The following SCN8A variants were observed in gnomAD, a reference collection of about 807,000 sequenced individuals.
The protein encoded by SCN8A is sodium channel protein type 8 subunit alpha.
Under a neutral mutation model 184.1 loss-of-function variants are expected in SCN8A, and 30 were observed. The observed-to-expected ratio is 0.16, with a 90% CI of 0.12 to 0.22. SCN8A has a LOEUF of 0.22. Ranked by LOEUF, SCN8A falls within the 10% of genes least tolerant of loss-of-function variation. The pLI is 1.00. For synonymous variants in SCN8A, 852 were observed against 907.0 expected, an observed-to-expected ratio of 0.94 and a Z score of 1.09; for missense variants, 1,057 against 2,498.9, an observed-to-expected ratio of 0.42 and a Z score of 12.30.
intron 14 of SCN8A, among the ~76,000 whole-genome samples, chr12:51,758,717 C>T (rs183179180): frequency 1.3e-5 from 2 of 152,138 alleles, no homozygotes; most frequent in Non-Finnish European, 2.9e-5. Context: ...GGATTATAGG[C>T]GTGAGCCACC....
intron 5 of SCN8A, among the ~76,000 whole-genome samples, chr12:51,688,161 G>A (rs1416140105): frequency 6.6e-6 from 1 of 152,166 alleles, no homozygotes; most frequent in Non-Finnish European, 1.5e-5. Context: ...TAGGCACAGA[G>A]CTTGTAATTA....
intron 2 of SCN8A, among the ~76,000 whole-genome samples, chr12:51,682,352 GTTCTC>G (rs1384510997): frequency 6.6e-6 from 1 of 152,138 alleles, no homozygotes; most frequent in Non-Finnish European, 1.5e-5. Flanking sequence ...GTTTAGAAAT[GTTCTC>G]TTCTATTTTG....
chr12:51,612,989 T>C (rs1411220253), intron 1 of SCN8A, among the ~76,000 whole-genome samples: 2 of 152,188 alleles, frequency 1.3e-5, no homozygotes, highest in Non-Finnish European at 2.9e-5. Flanking sequence ...CCCAAAGTGC[T>C]GAAATTATAG....
chr12:51,627,624 C>T lies in SCN8A; in HGVS notation c.-54-35140C>T, dbSNP rs186791125. ...CTCGATCTCCTGACCTCGTGATTCC[C>T]CCAGCCTCGGCTTCCCAAATTGCTG... On this transcript the variant is annotated intron_variant, in intron 1 of 26. Transcript: ENST00000627620. 4.6e-5 allele frequency among the ~76,000 whole-genome samples: 7 copies of T among 152,256 alleles called. No homozygotes were observed. The East Asian group carries it at 1.2e-3, about 25-fold the overall frequency.
chr12:51,762,774 A>G (rs910399987), intron 15 of SCN8A, 98 bp downstream of exon 15: 19 of 1,142,294 alleles, frequency 1.7e-5, no homozygotes, highest in African/African-American at 1.3e-4. Context: ...AAAATATATT[A>G]GCTGTATTTT....
At chr12:51,594,386 A>AT (rs1939298749) in intron 1 of SCN8A, among the ~76,000 whole-genome samples, 1 of 152,198 alleles carries the variant, frequency 6.6e-6, no homozygotes. Context: ...TTCTGTAGAG[A>AT]ACATACAAGA....
intron 11 of SCN8A, among the ~76,000 whole-genome samples, chr12:51,714,362 A>AG (rs142959908): frequency 2.0e-5 from 1 of 50,296 alleles, no homozygotes; most frequent in Non-Finnish European, 7.0e-5. Flanking sequence ...ATCATTTGAG[A>AG]AATTTCCTGA....
chr12:51,628,281 G>A (rs1383805853), intron 1 of SCN8A, among the ~76,000 whole-genome samples: 1 of 152,238 alleles, frequency 6.6e-6, no homozygotes, highest in African/African-American at 2.4e-5. Context: ...GCATAGACAA[G>A]TGACCTCCAA....
intron 1 of SCN8A, among the ~76,000 whole-genome samples, chr12:51,626,774 A>C (rs1205270080): frequency 6.6e-6 from 1 of 151,066 alleles, no homozygotes; most frequent in Non-Finnish European, 1.5e-5. Context: ...TGTTTTCTGG[A>C]TTTTTAAAAA....
chr12:51,626,115 T>C (rs956499492), intron 1 of SCN8A, among the ~76,000 whole-genome samples: 1 of 152,186 alleles, frequency 6.6e-6, no homozygotes, highest in African/African-American at 2.4e-5. Context: ...TATGTTTTCC[T>C]TGGGAAAGGC....
chr12:51,620,189 A>G (rs757008631), intron 1 of SCN8A, among the ~76,000 whole-genome samples: 18 of 152,196 alleles, frequency 1.2e-4, no homozygotes, highest in Non-Finnish European at 2.1e-4. Context: ...AGATTTTTCA[A>G]TACAATGGAG....
rs376560372 is a variant in SCN8A at position 51,687,547 on chromosome 12, C to T, written c.614+328C>T. ...GGTTTGCACACCTATCATTACAAGGCCTCTGTGAAGACTTGAAATTTTTTA... is the reference window on the plus strand; with the variant it reads ...GGTTTGCACACCTATCATTACAAGGTCTCTGTGAAGACTTGAAATTTTTTA... On this transcript the variant is annotated intron_variant, in intron 5 of 26. Transcript: ENST00000627620. Among the ~76,000 whole-genome samples the T allele has an allele frequency of 9.9e-5, 15 of 152,274 alleles. No homozygotes were observed. In the South Asian group the frequency reaches 1.7e-3, roughly 17 times the overall value.
intron 2 of SCN8A, among the ~76,000 whole-genome samples, chr12:51,663,903 A>ATTTTTTTTTTTTTTT (rs796653928): frequency 4.3e-5 from 3 of 69,804 alleles, no homozygotes; most frequent in Non-Finnish European, 8.0e-5. Context: ...CATTTGACAG[A>ATTTTTTTTTTTTTTT]TTTTTTTTTT....
chr12:51,705,989 AAAG>A lies in SCN8A; in HGVS notation c.1341+371_1341+373del, dbSNP rs1400367016. On this transcript the variant is annotated intron_variant, in intron 10 of 26. Coordinates refer to ENST00000627620, the MANE Select transcript of SCN8A (RefSeq NM_001330260.2). ...CATAAAAAGTATTATTTCTAATTAA[AAAG>A]AAGATACAGGCAAAATATTAAAGTA... 3.9e-5 allele frequency among the ~76,000 whole-genome samples: 6 copies of A among 152,250 alleles called. No individual in the cohort carries two copies. In the East Asian group the frequency reaches 1.2e-3, roughly 29 times the overall value.
At chr12:51,679,145 A>C (rs1360081592) in intron 2 of SCN8A, among the ~76,000 whole-genome samples, 1 of 151,586 alleles carries the variant, frequency 6.6e-6, no homozygotes, top group Non-Finnish European at 1.5e-5. Flanking sequence ...AGCTATAATC[A>C]TAATCCCAGC....
At chr12:51,766,109 T>C in intron 16 of SCN8A, 82 bp downstream of exon 16, 1 of 1,042,000 alleles carries the variant, frequency 9.6e-7, no homozygotes, top group Non-Finnish European at 1.5e-6. Context: ...CTTCTACTGC[T>C]TAGTCCTTCT....
intron 11 of SCN8A, among the ~76,000 whole-genome samples, chr12:51,714,080 G>C (rs1941926706): frequency 6.6e-6 from 1 of 151,936 alleles, no homozygotes; most frequent in African/African-American, 2.4e-5. Context: ...GTTTGTTGCA[G>C]TATGATTTTC....
intron 11 of SCN8A, among the ~76,000 whole-genome samples, chr12:51,707,035 A>G (rs1941797094): frequency 6.6e-6 from 1 of 152,170 alleles, no homozygotes; most frequent in Non-Finnish European, 1.5e-5. Context: ...GTTGCTGCAA[A>G]TGATAGGATT....
At chr12:51,783,950 A>C (rs1022228670) in intron 21 of SCN8A, among the ~76,000 whole-genome samples, 3 of 152,230 alleles carry the variant, frequency 2.0e-5, no homozygotes, top group African/African-American at 7.2e-5. Context: ...CCTAGCTTTG[A>C]GTGATATTTC....
Sources: allele counts gnomAD v4.1 joint callset (sites outside exome capture counted in the v4.1 genomes callset), GRCh38; gene constraint gnomAD v4.1.1; transcripts MANE v1.5; gene names NCBI Gene and HGNC (gene_info 2026-07-23, HGNC 2026-07-21).